The following TBC1D22B variants were observed in gnomAD, a reference collection of about 807,000 sequenced individuals.
TBC1D22B encodes chromosome 6 open reading frame 197.
In TBC1D22B, 32 loss-of-function variants were observed where a neutral mutation model predicts 69.1. The observed-to-expected ratio is 0.46, with a 90% confidence interval of 0.35 to 0.62. TBC1D22B has a LOEUF of 0.62. Among genes scored for constraint, TBC1D22B ranks in the 20% least tolerant of loss-of-function variants. The pLI is 0.00. For missense variants in TBC1D22B, 462 were observed against 630.9 expected, an observed-to-expected ratio of 0.73 and a Z score of 2.87; for synonymous variants, 206 against 229.8, an observed-to-expected ratio of 0.90 and a Z score of 0.94.
At chr6:37,315,722 C>T (rs566567392) in intron 10 of TBC1D22B, among the ~76,000 whole-genome samples, 4 of 152,164 alleles carry the variant, frequency 2.6e-5, no homozygotes, top group South Asian at 4.2e-4. Context: ...ATTATAGGTG[C>T]GCACCATGAC....
At chr6:37,305,989 AG>A (rs1401742595) in intron 8 of TBC1D22B, among the ~76,000 whole-genome samples, 1 of 152,188 alleles carries the variant, frequency 6.6e-6, no homozygotes, top group African/African-American at 2.4e-5. Context: ...TCGTAGATGA[AG>A]CAGCCTCCCA....
chr6:37,330,166 G>A lies in TBC1D22B; in HGVS notation c.1390-878G>A, dbSNP rs561131353. Among the ~76,000 whole-genome samples the A allele has an allele frequency of 3.4e-5, 5 of 148,936 alleles. No homozygotes were observed. The East Asian group carries it at 9.8e-4, about 29-fold the overall frequency. On this transcript the variant is annotated intron_variant, in intron 12 of 12. Coordinates refer to ENST00000373491, the MANE Select transcript of TBC1D22B (RefSeq NM_017772.4). ...TACTGATTTGTAGGCAGTCCTTATG[G>A]ATTACATATATTAACCTTTTATCTT... is the stretch of plus-strand genomic sequence containing the variant.
intron 8 of TBC1D22B, among the ~76,000 whole-genome samples, chr6:37,294,446 A>G (rs983723449): frequency 6.6e-6 from 1 of 152,134 alleles, no homozygotes; most frequent in East Asian, 1.9e-4. Context: ...AGTTGGGATT[A>G]CAAGTACGTA....
intron 12 of TBC1D22B, among the ~76,000 whole-genome samples, chr6:37,326,316 G>T (rs549608716): frequency 4.8e-5 from 7 of 146,712 alleles, no homozygotes; most frequent in African/African-American, 1.8e-4. Context: ...GGAGTTGGAG[G>T]TTGCAGTGAG....
chr6:37,262,006 G>A (rs1416805670), intron 1 of TBC1D22B, among the ~76,000 whole-genome samples: 1 of 141,214 alleles, frequency 7.1e-6, no homozygotes, highest in African/African-American at 2.7e-5. Context: ...TCTAGAGCTC[G>A]GGCACAGGAG....
chr6:37,293,705 G>T (rs1047164868), intron 8 of TBC1D22B, among the ~76,000 whole-genome samples: 3 of 152,202 alleles, frequency 2.0e-5, no homozygotes, highest in African/African-American at 7.2e-5. Context: ...TAGTGAAGAA[G>T]GTAGGTCAAA....
chr6:37,261,901 T>G (rs2113968138), intron 1 of TBC1D22B, among the ~76,000 whole-genome samples: 1 of 147,770 alleles, frequency 6.8e-6, no homozygotes, highest in East Asian at 2.0e-4. Context: ...TATCTGGGCT[T>G]GGTGGCACAA....
At chr6:37,268,079 G>T (rs971214473) in intron 1 of TBC1D22B, among the ~76,000 whole-genome samples, 1 of 152,166 alleles carries the variant, frequency 6.6e-6, no homozygotes, top group Non-Finnish European at 1.5e-5. Context: ...ATGATTAGTT[G>T]AAGTTTGTTC....
intron 2 of TBC1D22B, among the ~76,000 whole-genome samples, chr6:37,273,183 C>CAAAAAAAAAAA (rs58720560): frequency 1.3e-5 from 1 of 77,272 alleles, no homozygotes; most frequent in African/African-American, 4.8e-5. Context: ...AACCCCGAGG[C>CAAAAAAAAAAA]AAAAAAAAAA....
chr6:37,279,455 A>G lies in TBC1D22B; in HGVS notation c.265A>G (p.Asn89Asp). 1 of 1,614,172 alleles carries G rather than the reference A, an allele frequency of 6.2e-7. No individual in the cohort carries two copies. Among genetic ancestry groups the G allele is most frequent in the South Asian group, 1.1e-5 (1 of 91,086 alleles). Residue 89 changes from asparagine to aspartate, a missense_variant, in exon 3 of 13, where the codon AAC (asparagine) becomes GAC (aspartate). Physicochemically the swap from Asn to Asp is conservative, Grantham distance 23. This residue lies in a region of TBC1D22B where 237 missense variants were observed against 255.4 expected (regional missense o/e 0.93). Coordinates refer to ENST00000373491, the MANE Select transcript of TBC1D22B (RefSeq NM_017772.4). ...TTCCTCACCTTCTTTCCAAACTCTG[A>G]ACTCAAAAGTTGCTTTGGCAACTGC... ...DFSSPSFQTLNSKVALATAAQ... is the reference protein window; with the variant it reads ...DFSSPSFQTLDSKVALATAAQ...
intron 1 of TBC1D22B, among the ~76,000 whole-genome samples, chr6:37,266,720 C>T (rs1045502036): frequency 1.3e-5 from 2 of 151,738 alleles, no homozygotes; most frequent in Non-Finnish European, 2.9e-5. Context: ...GCTTTGGCCT[C>T]CCCAAGTGCT....
chr6:37,323,082 A>AAGC (rs200537251), intron 12 of TBC1D22B, among the ~76,000 whole-genome samples: 59 of 152,078 alleles, frequency 3.9e-4, no homozygotes, highest in African/African-American at 9.6e-4. Flanking sequence ...CATCTCGGGA[A>AAGC]AGCAGCAGCA....
chr6:37,307,853 C>G (rs1214066979), intron 8 of TBC1D22B, among the ~76,000 whole-genome samples: 10 of 152,172 alleles, frequency 6.6e-5, no homozygotes, highest in Non-Finnish European at 7.3e-5. Flanking sequence ...GTCCTGAGAT[C>G]ACAGATGGTT....
chr6:37,302,715 C>T (rs1024496142), intron 8 of TBC1D22B, among the ~76,000 whole-genome samples: 6 of 152,208 alleles, frequency 3.9e-5, no homozygotes, highest in Admixed American at 1.3e-4. Context: ...GGAAGTCCTC[C>T]GCAGACCTCT....
intron 8 of TBC1D22B, among the ~76,000 whole-genome samples, chr6:37,299,474 A>T (rs1767497957): frequency 6.6e-6 from 1 of 152,204 alleles, no homozygotes; most frequent in Non-Finnish European, 1.5e-5. Context: ...TTTATGTAGA[A>T]CTTAGTAATT....
chr6:37,295,525 TG>T, intron 8 of TBC1D22B: 2 of 346,910 alleles, frequency 5.8e-6, no homozygotes, highest in Non-Finnish European at 1.2e-5. Context: ...CAATAATTAC[TG>T]AAGTAATAAC....
At chr6:37,272,096 G>A (rs187416007) in intron 2 of TBC1D22B, among the ~76,000 whole-genome samples, 13 of 151,994 alleles carry the variant, frequency 8.6e-5, no homozygotes, top group African/African-American at 2.9e-4. Flanking sequence ...TTGAGATAGG[G>A]TCGCTCTATT....
At chr6:37,278,324 T>G (rs1456572367) in intron 2 of TBC1D22B, among the ~76,000 whole-genome samples, 2 of 152,168 alleles carry the variant, frequency 1.3e-5, no homozygotes, top group Middle Eastern at 3.2e-3. Flanking sequence ...GAAGAACTTT[T>G]AACAGAATAA....
At chr6:37,317,742 T>C (rs1223205608) in intron 12 of TBC1D22B, among the ~76,000 whole-genome samples, 1 of 152,174 alleles carries the variant, frequency 6.6e-6, no homozygotes, top group Non-Finnish European at 1.5e-5. Flanking sequence ...GTAGTCTTGA[T>C]AGGTTCACTG....
Sources: gnomAD v4.1 joint callset for allele counts (sites outside exome capture counted in the v4.1 genomes callset) on GRCh38, gnomAD v4.1.1 for gene constraint, gnomAD v4.1.1 regional missense constraint, MANE v1.5 for transcripts, NCBI Gene and HGNC (gene_info 2026-07-23, HGNC 2026-07-21) for gene names.